RELL1: variants seen among roughly 807,000 people sequenced by gnomAD.
The protein encoded by RELL1 is RELT like 1.
RELL1 carries 10 observed loss-of-function variants against 23.0 expected under a neutral mutation model. The observed-to-expected ratio is 0.43, with a 90% confidence interval of 0.27 to 0.74. RELL1 has a LOEUF of 0.74. RELL1 is among the 30% of genes least tolerant of loss of function. The probability of loss-of-function intolerance (pLI) is 0.19; values close to 1 mark genes in which losing one functional copy is unlikely to be tolerated. For missense variants in RELL1, 315 were observed against 364.4 expected (o/e 0.86, Z 1.10); for synonymous variants, 146 against 146.8 (o/e 0.99, Z 0.04).
intron 4 of RELL1, among the ~76,000 whole-genome samples, chr4:37,636,872 A>C (rs1158011171): frequency 6.6e-6 from 1 of 152,150 alleles, no homozygotes. Flanking sequence ...TACACACTTA[A>C]AAAAGAAGTA....
At position 37,662,579 on chromosome 4, in the gene RELL1, A is replaced by T. The variant is rs1450719651; in HGVS notation, c.89-13079T>A. Among the ~76,000 whole-genome samples, 7 of 62,086 alleles carry T rather than the reference A, an allele frequency of 1.1e-4. No individual in the cohort carries two copies. The South Asian group carries it at 1.6e-3, about 14-fold the overall frequency. 40.7% of individuals were successfully genotyped at this position (62,086 alleles called of 152,430 possible). A position where few individuals can be genotyped will look rare whatever the true frequency, so the allele number is the denominator to read the frequency against. On this transcript the variant is annotated intron_variant, in intron 1 of 6. Coordinates refer to ENST00000454158, the MANE Select transcript of RELL1 (RefSeq NM_001085400.2). ...TGATGTCAATATAAAGAAACATCTT[A>T]AAAAAAAAAAAAAAGATGAAATCTA...
intron 2 of RELL1, 68 bp downstream of exon 2, chr4:37,649,208 A>G: frequency 8.1e-7 from 1 of 1,234,724 alleles, no homozygotes; most frequent in Non-Finnish European, 1.2e-6. Context: ...GATGGAAAGC[A>G]TATATCACTG....
At chr4:37,655,356 T>C (rs950386113) in intron 1 of RELL1, among the ~76,000 whole-genome samples, 1 of 152,138 alleles carries the variant, frequency 6.6e-6, no homozygotes, top group African/African-American at 2.4e-5. Flanking sequence ...CAGAATGTAT[T>C]TGGAGATAGG....
intron 6 of RELL1, among the ~76,000 whole-genome samples, chr4:37,603,985 C>T (rs1271894956): frequency 6.6e-6 from 1 of 152,160 alleles, no homozygotes; most frequent in Non-Finnish European, 1.5e-5. Flanking sequence ...TGCTCGGCTA[C>T]TTTCTTTTGT....
intron 1 of RELL1, among the ~76,000 whole-genome samples, chr4:37,672,479 T>C (rs1248828585): frequency 6.6e-6 from 1 of 152,234 alleles, no homozygotes; most frequent in Non-Finnish European, 1.5e-5. Context: ...CTCACTAATA[T>C]ATCAAGATGC....
intron 1 of RELL1, among the ~76,000 whole-genome samples, chr4:37,661,667 C>A (rs1482827096): frequency 6.6e-6 from 1 of 152,188 alleles, no homozygotes; most frequent in East Asian, 1.9e-4. Context: ...ATAAAATCAT[C>A]CCCAAATTAT....
At chr4:37,641,802 A>C (rs1000780958) in intron 3 of RELL1, among the ~76,000 whole-genome samples, 18 of 152,182 alleles carry the variant, frequency 1.2e-4, no homozygotes, top group Non-Finnish European at 5.9e-5. Context: ...CCAAGCAAAA[A>C]CTAACATTGC....
At chr4:37,591,827 T>C (rs1718622072) in intron 6 of RELL1, 1 of 152,212 alleles carries the variant, frequency 6.6e-6, no homozygotes. Flanking sequence ...TATAACAACG[T>C]ATGTGTCTTT....
At chr4:37,661,207 T>C (rs1721343682) in intron 1 of RELL1, among the ~76,000 whole-genome samples, 1 of 152,124 alleles carries the variant, frequency 6.6e-6, no homozygotes, top group Admixed American at 6.5e-5. Flanking sequence ...CTAGGACCTA[T>C]TATCTAGTCA....
downstream of RELL1, among the ~76,000 whole-genome samples, chr4:37,587,691 C>T (rs1250283512): frequency 6.6e-6 from 1 of 152,068 alleles, no homozygotes; most frequent in Non-Finnish European, 1.5e-5. Flanking sequence ...GCTGTAGGCC[C>T]GTCACAGTGG....
chr4:37,679,111 C>T (rs1205420352), intron 1 of RELL1, among the ~76,000 whole-genome samples: 2 of 152,142 alleles, frequency 1.3e-5, no homozygotes, highest in African/African-American at 2.4e-5. Context: ...GTAAGATGTC[C>T]GGCCCCTCTA....
In RELL1 at chr4:37,612,342, A is replaced by AAAAAAAAC. The variant is rs1719428888; in HGVS notation, c.*1003_*1004insGTTTTTTT. ...AAGGTTAAAAAAAAAAAAAAAACAA[A>AAAAAAAAC]AAAAAACAAAAAACCGGGTGCAGTG... On this transcript the variant is annotated 3_prime_UTR_variant, in exon 7 of 7. Coordinates refer to ENST00000454158, the MANE Select transcript of RELL1 (RefSeq NM_001085400.2). 7.6e-6 allele frequency among the ~76,000 whole-genome samples: 1 copy of AAAAAAAAC among 131,860 alleles called. No individual in the cohort carries two copies. Among genetic ancestry groups the AAAAAAAAC allele is most frequent in the African/African-American group, 2.9e-5 (1 of 34,768 alleles). 86.5% of individuals were successfully genotyped at this position (131,860 alleles called of 152,430 possible).
At chr4:37,647,086 A>G (rs3849016) in intron 3 of RELL1, among the ~76,000 whole-genome samples, 89,339 of 151,990 alleles carry the variant, frequency 0.59, 26,817 homozygotes, top group Middle Eastern at 0.67. Flanking sequence ...ACAAGGCAAT[A>G]TAGTTTCCCC....
intron 6 of RELL1, among the ~76,000 whole-genome samples, chr4:37,598,967 G>A (rs936976345): frequency 6.6e-6 from 1 of 152,088 alleles, no homozygotes; most frequent in Admixed American, 6.5e-5. Flanking sequence ...TTACAGGCGT[G>A]AGCCACCGCG....
chr4:37,602,497 A>T (rs1273080214), intron 6 of RELL1, among the ~76,000 whole-genome samples: 1 of 151,958 alleles, frequency 6.6e-6, no homozygotes, highest in African/African-American at 2.4e-5. Context: ...TCAGTTCCAC[A>T]GCAAGCAACT....
Position 37,592,257 on chromosome 4 carries a change from C to T in RELL1, c.*4-1040G>A, listed in dbSNP as rs553929132. Among the ~76,000 whole-genome samples the T allele has an allele frequency of 5.6e-5, 8 of 143,946 alleles. No homozygotes were observed. In the South Asian group the frequency reaches 1.8e-3, roughly 33 times the overall value. 94.4% of individuals were successfully genotyped at this position (143,946 alleles called of 152,430 possible). The stretch of plus-strand genomic sequence containing the variant: ...CTAAGCTAGGCACAGTGGCTCATGT[C>T]TGTAATCTGAGCACTTTGGAAGGCT... On this transcript the variant is annotated intron_variant, in intron 6 of 6. Coordinates refer to the RELL1 transcript ENST00000314117.
intron 1 of RELL1, among the ~76,000 whole-genome samples, chr4:37,655,821 G>C (rs16993772): frequency 0.013 from 2,013 of 152,314 alleles, 44 homozygotes; most frequent in African/African-American, 0.047. Flanking sequence ...CTCCAGTCTA[G>C]GACAGAAAGG....
At chr4:37,648,825 G>T (rs955515691) in intron 2 of RELL1, among the ~76,000 whole-genome samples, 1 of 152,094 alleles carries the variant, frequency 6.6e-6, no homozygotes, top group Non-Finnish European at 1.5e-5. Flanking sequence ...ACTCTTATTC[G>T]AATCTGATTC....
chr4:37,678,764 A>C (rs1237092081), intron 1 of RELL1, among the ~76,000 whole-genome samples: 3 of 152,240 alleles, frequency 2.0e-5, no homozygotes, highest in Non-Finnish European at 4.4e-5. Flanking sequence ...AACTGACACA[A>C]CAATGCTATG....
Sources: allele counts gnomAD v4.1 joint callset (sites outside exome capture counted in the v4.1 genomes callset), GRCh38; gene constraint gnomAD v4.1.1; transcripts MANE v1.5; gene names NCBI Gene and HGNC (gene_info 2026-07-23, HGNC 2026-07-21).